KANSL2: variants seen among roughly 807,000 people sequenced by gnomAD.
KANSL2 encodes the protein KAT8 regulatory NSL complex subunit 2.
KANSL2 carries 34 observed loss-of-function variants against 55.6 expected under a neutral mutation model. The observed-to-expected ratio is 0.61, with a 90% confidence interval of 0.46 to 0.81. The LOEUF (loss-of-function observed/expected upper bound fraction) is 0.81, where lower values mean the gene tolerates loss of function less well. Among genes scored for constraint, KANSL2 ranks in the 40% least tolerant of loss-of-function variants. KANSL2 has a pLI of 0.00. For missense variants in KANSL2, 502 were observed against 609.9 expected, an observed-to-expected ratio of 0.82 and a Z score of 1.86; for synonymous variants, 209 against 214.3, an observed-to-expected ratio of 0.98 and a Z score of 0.22.
chr12:48,665,031 A>C (rs4500528), intron 7 of KANSL2, among the ~76,000 whole-genome samples: 1 of 151,620 alleles, frequency 6.6e-6, no homozygotes, highest in East Asian at 1.9e-4. Flanking sequence ...CATCGTGACC[A>C]GATAATTTTT....
At chr12:48,664,141 C>T (rs1237024920) in intron 7 of KANSL2, among the ~76,000 whole-genome samples, 1 of 152,034 alleles carries the variant, frequency 6.6e-6, no homozygotes, top group African/African-American at 2.4e-5. Context: ...TCTCGAACCC[C>T]TGACCTCAGG....
chr12:48,654,181 A>G lies in KANSL2; in HGVS notation c.1348-6T>C. On this transcript the variant is annotated splice_polypyrimidine_tract_variant and splice_region_variant and intron_variant, in intron 9 of 9. Coordinates refer to ENST00000420613, the MANE Select transcript of KANSL2 (RefSeq NM_017822.4). Reference sequence around the variant, plus strand: ...CCAGCCATCTGCATCTGGCCCTGTTAAAAGAAATAAAGGCACTTCAGTTAG... The same window carrying G: ...CCAGCCATCTGCATCTGGCCCTGTTGAAAGAAATAAAGGCACTTCAGTTAG... The G allele has an allele frequency of 1.3e-6, 2 of 1,593,430 alleles. No individual in the cohort carries two copies. The highest frequency in any genetic ancestry group is 8.5e-7 in the Non-Finnish European group (1 of 1,173,104).
chr12:48,659,052 G>C lies in KANSL2; in HGVS notation c.1227+1314C>G, dbSNP rs560919110. ...ATCATGCCTATAATCCCAGCACTTT[G>C]GGAGGCCAAGGTGGGTGGGTCACTT... On this transcript the variant is annotated intron_variant, in intron 8 of 9. Transcript: ENST00000420613. Among the ~76,000 whole-genome samples, 3 of 152,256 alleles carry C rather than the reference G, an allele frequency of 2.0e-5. No individual in the cohort carries two copies. The East Asian group carries it at 5.8e-4, about 29-fold the overall frequency.
intron 2 of KANSL2, 57 bp from the exon 3 acceptor site, chr12:48,679,890 G>A (rs1191969409): frequency 7.5e-7 from 1 of 1,335,342 alleles, no homozygotes; most frequent in Non-Finnish European, 1.0e-6. Flanking sequence ...GTTCAATAAT[G>A]TTCACAGTCC....
At chr12:48,664,877 CGCT>C (rs1262605722) in intron 7 of KANSL2, among the ~76,000 whole-genome samples, 2 of 123,722 alleles carry the variant, frequency 1.6e-5, no homozygotes, top group East Asian at 4.0e-4. Context: ...CCACTGCGCC[CGCT>C]TTTTTTTTTT....
intron 2 of KANSL2, 119 bp from the exon 3 acceptor site, chr12:48,679,952 TA>T: frequency 4.4e-6 from 4 of 906,316 alleles, no homozygotes; most frequent in Non-Finnish European, 6.5e-6. Flanking sequence ...CATTCATTTC[TA>T]AAAATGCAAG....
In KANSL2 at chr12:48,667,679, G is replaced by C. The variant is rs750534290; in HGVS notation, c.973+14C>G. ...TAGCAAACCACAGCCTTAACAGGCA[G>C]AGTAAAAAGATACGGGTAAGGCAGT... On this transcript the variant is annotated intron_variant, in intron 7 of 9. Transcript: ENST00000420613. 3 of 1,580,530 alleles carry C rather than the reference G, an allele frequency of 1.9e-6. No individual in the cohort carries two copies. The South Asian group carries it at 3.3e-5, about 17-fold the overall frequency.
chr12:48,663,499 G>A (rs1034657784), intron 7 of KANSL2, among the ~76,000 whole-genome samples: 9 of 151,974 alleles, frequency 5.9e-5, no homozygotes, highest in South Asian at 2.1e-4. Context: ...TGAACTGCAC[G>A]GGTCTACTTA....
chr12:48,681,761 G>T, intron 1 of KANSL2, 120 bp from the exon 2 acceptor site: 3 of 1,266,796 alleles, frequency 2.4e-6, no homozygotes, highest in Non-Finnish European at 3.4e-6. Flanking sequence ...GGTACGCTCC[G>T]TAAGTCCCCG....
At chr12:48,678,977 A>C in intron 4 of KANSL2, 59 bp downstream of exon 4, 1 of 1,175,250 alleles carries the variant, frequency 8.5e-7, no homozygotes, top group Non-Finnish European at 1.3e-6. Flanking sequence ...AACAGCATGC[A>C]GCACTACATT....
At chr12:48,680,373 G>C (rs369514881) in intron 2 of KANSL2, among the ~76,000 whole-genome samples, 91 of 152,158 alleles carry the variant, frequency 6.0e-4, no homozygotes, top group African/African-American at 2.0e-3. Flanking sequence ...TTAATCTTCT[G>C]TAGAGACGGG....
At position 48,669,239 on chromosome 12, in the gene KANSL2, A is replaced by G. The variant is rs1403422005; in HGVS notation, c.743T>C (p.Leu248Ser). The G allele has an allele frequency of 1.3e-6, 2 of 1,575,048 alleles. No homozygotes were observed. Among genetic ancestry groups the G allele is most frequent in the African/African-American group, 2.7e-5 (2 of 74,342 alleles). ...SSLLTGPEGL[L>S]AKERENLKRL... ...CTTTAAGTTCTCTCGTTCTTTGGCC[A>G]AAAGTCCCTCTGGGCCAGTCAGGAG... is the stretch of plus-strand genomic sequence containing the variant. The change falls in exon 6 of 10, where the codon TTG (leucine) becomes TCG (serine). Residue 248 changes from leucine to serine, a missense_variant. Leu to Ser is a moderately radical substitution (Grantham distance 145). Coordinates refer to ENST00000420613, the MANE Select transcript of KANSL2 (RefSeq NM_017822.4).
intron 5 of KANSL2, among the ~76,000 whole-genome samples, chr12:48,671,163 G>A (rs1939706183): frequency 6.6e-6 from 1 of 151,846 alleles, no homozygotes; most frequent in Admixed American, 6.6e-5. Context: ...TACTTGGGAG[G>A]CTGAGGTGGG....
At chr12:48,675,111 G>A (rs377444975) in intron 4 of KANSL2, among the ~76,000 whole-genome samples, 34 of 151,840 alleles carry the variant, frequency 2.2e-4, no homozygotes, top group African/African-American at 6.8e-4. Context: ...ATATGTAACA[G>A]TTGGCTGGGC....
chr12:48,672,413 A>ACGTG (rs1565608383), intron 4 of KANSL2, among the ~76,000 whole-genome samples: 8 of 110,074 alleles, frequency 7.3e-5, no homozygotes, highest in African/African-American at 2.5e-4. Flanking sequence ...ATATACGTAT[A>ACGTG]TATATATATA....
At chr12:48,679,888 A>G in intron 2 of KANSL2, 55 bp from the exon 3 acceptor site, 1 of 1,354,046 alleles carries the variant, frequency 7.4e-7, no homozygotes, top group Non-Finnish European at 1.0e-6. Flanking sequence ...GCGTTCAATA[A>G]TGTTCACAGT....
intron 8 of KANSL2, among the ~76,000 whole-genome samples, chr12:48,656,313 G>A (rs183480544): frequency 7.5e-4 from 111 of 147,890 alleles, no homozygotes; most frequent in African/African-American, 2.7e-3. Flanking sequence ...TCGCTCTGTC[G>A]CCCAGGCTGG....
intron 7 of KANSL2, among the ~76,000 whole-genome samples, chr12:48,664,417 C>CT (rs2137184382): frequency 1.3e-5 from 2 of 151,092 alleles, no homozygotes; most frequent in Admixed American, 1.3e-4. Flanking sequence ...GTAGCTGGGA[C>CT]TACAGGCGCC....
chr12:48,681,541 G>A lies in KANSL2; in HGVS notation c.92C>T (p.Thr31Ile), dbSNP rs755387995. The A allele has an allele frequency of 3.1e-6, 5 of 1,613,884 alleles. No homozygotes were observed. Among genetic ancestry groups the A allele is most frequent in the African/African-American group, 1.3e-5 (1 of 74,908 alleles). ...ACGAGGGTGAGAGCATGGACGATGA[G>A]TGAATGCACAAGACAGAGGTTCCTG... ...RSQEPLSCAFTHRPCSHPRLE... is the reference protein window; with the variant it reads ...RSQEPLSCAFIHRPCSHPRLE... Residue 31 changes from threonine to isoleucine, a missense_variant, in exon 2 of 10, where the codon ACT becomes ATT. Physicochemically the swap from Thr to Ile is moderately conservative, Grantham distance 89. Transcript: ENST00000420613.
Sources: allele counts gnomAD v4.1 joint callset (sites outside exome capture counted in the v4.1 genomes callset), GRCh38; gene constraint gnomAD v4.1.1; transcripts MANE v1.5; gene names NCBI Gene and HGNC (gene_info 2026-07-23, HGNC 2026-07-21).